The following OTOG variants were observed in gnomAD, a reference collection of about 807,000 sequenced individuals.
OTOG encodes the protein otogelin.
OTOG carries 296 observed loss-of-function variants against 313.8 expected under a neutral mutation model. The ratio of observed to expected loss-of-function variants is 0.94; its 90% CI spans 0.86 to 1.04. The LOEUF (loss-of-function observed/expected upper bound fraction) is 1.04. Ranked by LOEUF, OTOG falls within the 50% of genes least tolerant of loss-of-function variation. The probability of loss-of-function intolerance (pLI) is 0.00; values close to 1 mark genes in which losing one functional copy is unlikely to be tolerated. For synonymous variants in OTOG, 1,533 were observed against 1,554.9 expected, an observed-to-expected ratio of 0.99 and a Z score of 0.33; for missense variants, 3,948 against 3,840.1, an observed-to-expected ratio of 1.03 and a Z score of -0.74.
chr11:17,607,119 G>A (rs76732718), intron 33 of OTOG, among the ~76,000 whole-genome samples: 1,743 of 152,360 alleles, frequency 0.011, 39 homozygotes, highest in African/African-American at 0.04. Flanking sequence ...TATTTGTCTC[G>A]GAAGTGTGCT....
At chr11:17,577,624 A>G (rs79961147) in intron 22 of OTOG, among the ~76,000 whole-genome samples, 1 of 152,054 alleles carries the variant, frequency 6.6e-6, no homozygotes. Flanking sequence ...CATATAACCT[A>G]GTTTCCTGCA....
In OTOG at chr11:17,553,450, C is replaced by G; in HGVS notation, c.471C>G (p.Tyr157Ter). Residue 157 changes from tyrosine to a stop codon, truncating the protein, a stop_gained, in exon 6 of 56, where the codon TAC becomes TAG. Coordinates refer to ENST00000399397, the MANE Select transcript of OTOG (RefSeq NM_001292063.2). LOFTEE classifies it high-confidence loss of function. ...HVETFDGLYY[Y>*]LSGKGSYTLV... ...AGACATTTGATGGGCTCTACTACTA[C>G]CTCTCCGGAAAGGGCAGCTACACCC... The G allele has an allele frequency of 6.8e-7, 1 of 1,470,506 alleles. No homozygotes were observed. The highest frequency in any genetic ancestry group is 9.0e-7 in the Non-Finnish European group (1 of 1,109,104). 91.1% of individuals were successfully genotyped at this position (1,470,506 alleles called of 1,614,324 possible). A position where few individuals can be genotyped will look rare whatever the true frequency, so the allele number is the denominator to read the frequency against.
rs367639732 is a variant in OTOG, at chr11:17,587,197, G to T, written c.2867+616G>T. ...CTTGTGTATGAAAGTACGTGTGAGG[G>T]TATTTGTTTAGTAATGTAAGTGTGC... On this transcript the variant is annotated intron_variant, in intron 24 of 55. Coordinates refer to ENST00000399397, the MANE Select transcript of OTOG (RefSeq NM_001292063.2). 5.3e-5 allele frequency among the ~76,000 whole-genome samples: 8 copies of T among 152,322 alleles called. No individual in the cohort carries two copies. In the East Asian group the frequency reaches 1.5e-3, roughly 29 times the overall value.
intron 44 of OTOG, 41 bp downstream of exon 44, chr11:17,634,322 A>G: frequency 6.5e-7 from 1 of 1,537,860 alleles, no homozygotes; most frequent in Non-Finnish European, 8.8e-7. Flanking sequence ...CAACTGTAAA[A>G]CAGTTAAAAG....
At chr11:17,599,308 T>G (rs966184461) in intron 30 of OTOG, among the ~76,000 whole-genome samples, 2 of 152,176 alleles carry the variant, frequency 1.3e-5, no homozygotes, top group Non-Finnish European at 2.9e-5. Flanking sequence ...TCTGGGGGCC[T>G]TCCGCAACAT....
rs1854002157 is a variant in OTOG at position 17,627,098 on chromosome 11, A to G, written c.6529-2035A>G. On this transcript the variant is annotated intron_variant, in intron 39 of 55. Transcript: ENST00000399397. ...TTTAACTTCTTCCATTCCAATTTCA[A>G]TGCCCTTCATTTCTTTCTCTTGTCT... 2.6e-5 allele frequency among the ~76,000 whole-genome samples: 4 copies of G among 152,216 alleles called. No individual in the cohort carries two copies. In the South Asian group the frequency reaches 6.2e-4, roughly 24 times the overall value.
rs1273196338 is a variant in OTOG at position 17,610,376 on chromosome 11, T to C, written c.5076T>C (p.Ser1692=). The change falls in exon 36 of 56, where the codon AGT becomes AGC. Residue 1692 remains serine (S), a synonymous_variant. Coordinates refer to ENST00000399397, the MANE Select transcript of OTOG (RefSeq NM_001292063.2). ...PQPTQAQSAS[S]PSTPLTVAGT... The stretch of plus-strand genomic sequence containing the variant: ...CCACCCAGGCCCAGAGTGCTTCAAG[T>C]CCCAGCACCCCTCTAACTGTGGCTG... 6.4e-7 allele frequency: 1 copy of C among 1,550,480 alleles called. No individual in the cohort carries two copies. The highest frequency in any genetic ancestry group is 8.7e-7 in the Non-Finnish European group (1 of 1,146,932).
At chr11:17,597,750 C>G in intron 30 of OTOG, among the ~76,000 whole-genome samples, 1 of 152,104 alleles carries the variant, frequency 6.6e-6, no homozygotes. Flanking sequence ...TCCCACGCAC[C>G]AAAGGATTTT....
chr11:17,548,217 G>A lies in OTOG; in HGVS notation c.216+5G>A. The stretch of plus-strand genomic sequence containing the variant: ...GCTACAGTCGTGGGAGGCCAGGTAA[G>A]GGAGGTCTTGGGAGGGGGCTTCATT... On this transcript the variant is annotated splice_donor_5th_base_variant and intron_variant, in intron 3 of 55. Coordinates refer to ENST00000399397, the MANE Select transcript of OTOG (RefSeq NM_001292063.2). 6.5e-7 allele frequency: 1 copy of A among 1,542,274 alleles called. No homozygotes were observed. Among genetic ancestry groups the A allele is most frequent in the Non-Finnish European group, 8.8e-7 (1 of 1,142,270 alleles).
At position 17,611,076 on chromosome 11, in the gene OTOG, T is replaced by C. The variant is rs1337370267; in HGVS notation, c.5776T>C (p.Ser1926Pro). The change falls in exon 36 of 56, where the codon TCT becomes CCT. Residue 1926 changes from serine to proline, a missense_variant. Transcript: ENST00000399397. ...QVSLPTSMYG[S>P]AEGGPTELTP... is the part of the protein sequence containing the mutation. ...GTCTCTGCCCACTTCCATGTATGGT[T>C]CTGCAGAGGGTGGGCCCACAGAGCT... 4 of 1,550,538 alleles carry C rather than the reference T, an allele frequency of 2.6e-6. No individual in the cohort carries two copies. Among genetic ancestry groups the C allele is most frequent in the Non-Finnish European group, 3.5e-6 (4 of 1,146,946 alleles).
At chr11:17,574,585 T>G in intron 19 of OTOG, 135 bp from the exon 20 acceptor site, 1 of 885,444 alleles carries the variant, frequency 1.1e-6, no homozygotes, top group South Asian at 1.9e-5. Context: ...CCTCTGACCT[T>G]GACCTGCTGT....
At chr11:17,608,004 C>T (rs1319374439) in intron 33 of OTOG, among the ~76,000 whole-genome samples, 1 of 152,146 alleles carries the variant, frequency 6.6e-6, no homozygotes, top group Non-Finnish European at 1.5e-5. Flanking sequence ...CCCTTCGAAA[C>T]CTCACTCCAA....
chr11:17,610,899 C>T lies in OTOG; in HGVS notation c.5599C>T (p.Pro1867Ser), dbSNP rs984900560. The change falls in exon 36 of 56, where the codon CCC becomes TCC. Residue 1867 changes from proline (P) to serine (S), a missense_variant. By Grantham distance (74) the Pro-to-Ser change is moderately conservative. Coordinates refer to ENST00000399397, the MANE Select transcript of OTOG (RefSeq NM_001292063.2). ...TQAHPPTHIAPPAAGTAPGLL... is the reference protein window; with the variant it reads ...TQAHPPTHIASPAAGTAPGLL... ...GGCGCACCCACCCACTCACATAGCA[C>T]CCCCAGCAGCAGGCACAGCTCCAGG... 3.2e-6 allele frequency: 5 copies of T among 1,550,562 alleles called. No homozygotes were observed. The African/African-American group carries it at 6.8e-5, about 21-fold the overall frequency.
intron 12 of OTOG, 103 bp downstream of exon 12, chr11:17,559,765 AG>A: frequency 1.1e-5 from 4 of 356,850 alleles, no homozygotes; most frequent in South Asian, 9.6e-5. Flanking sequence ...GAAGGAAGGA[AG>A]GAAAGGAGGG....
chr11:17,573,048 A>G (rs911649370), intron 18 of OTOG, 30 bp from the exon 19 acceptor site: 25 of 1,514,404 alleles, frequency 1.7e-5, no homozygotes, highest in Non-Finnish European at 2.1e-5. Flanking sequence ...GACTCCCCTG[A>G]CTGCCTGGCT....
At chr11:17,554,604 G>A (rs1852014396) in intron 6 of OTOG, among the ~76,000 whole-genome samples, 1 of 152,224 alleles carries the variant, frequency 6.6e-6, no homozygotes, top group Admixed American at 6.5e-5. Context: ...AGTGTTCAGT[G>A]TCTCCCCTCT....
Position 17,642,159 on chromosome 11 carries a change from C to T in OTOG, c.8328C>T (p.Arg2776=). The T allele has an allele frequency of 6.5e-7, 1 of 1,549,844 alleles. No homozygotes were observed. ...CATCCTGGATCGCAGACTGCGCCCG[C>T]CACCACTGCAGCAGCACGCCCCTGG... The part of the protein sequence containing the change: ...PGASWIADCA[R]HHCSSTPLGA... The change falls in exon 53 of 56, where the codon CGC becomes CGT. Residue 2776 remains arginine (R), a synonymous_variant. Coordinates refer to ENST00000399397, the MANE Select transcript of OTOG (RefSeq NM_001292063.2).
intron 5 of OTOG, 42 bp from the exon 6 acceptor site, chr11:17,553,323 C>T: frequency 6.7e-7 from 1 of 1,490,614 alleles, no homozygotes; most frequent in Non-Finnish European, 9.0e-7. Context: ...GGCTTGGTGC[C>T]CACTGTAGCT....
chr11:17,547,403 C>T lies in OTOG; in HGVS notation c.31C>T (p.Leu11=). MGVLASALCW[L]LCVWLPWGEQ... ...AGTCCTGGCGTCTGCGCTCTGCTGG[C>T]TGCTTTGTGTCTGGCTGCCCTGGGG... The change falls in exon 1 of 56, where the codon CTG becomes TTG. Residue 11 remains leucine (L), a synonymous_variant. Coordinates refer to ENST00000399397, the MANE Select transcript of OTOG (RefSeq NM_001292063.2). The T allele has an allele frequency of 7.0e-7, 1 of 1,423,762 alleles. No homozygotes were observed. Among genetic ancestry groups the T allele is most frequent in the Non-Finnish European group, 9.1e-7 (1 of 1,094,824 alleles). The allele number at this position is 1,423,762 out of a possible 1,614,324, so 88.2% of individuals were successfully genotyped here.
Sources: gnomAD v4.1 joint callset for allele counts (sites outside exome capture counted in the v4.1 genomes callset) on GRCh38, gnomAD v4.1.1 for gene constraint, MANE v1.5 for transcripts, NCBI Gene and HGNC (gene_info 2026-07-23, HGNC 2026-07-21) for gene names.